Variants in MGA observed in about 807,000 individuals in gnomAD.
MGA encodes MAX dimerization protein MGA, also known as MAX gene-associated protein.
MGA carries 40 observed loss-of-function variants against 261.1 expected under a neutral mutation model. The ratio of observed to expected loss-of-function variants is 0.15; its 90% CI spans 0.12 to 0.20. The LOEUF is 0.20. Among genes scored for constraint, MGA ranks in the 10% least tolerant of loss-of-function variants. The pLI is 1.00. For missense variants in MGA, 3,397 were observed against 3,630.5 expected, an observed-to-expected ratio of 0.94 and a Z score of 1.65; for synonymous variants, 1,302 against 1,290.6, an observed-to-expected ratio of 1.01 and a Z score of -0.19.
rs368294120 is a variant in MGA, at chr15:41,698,998, A to G, written c.2092+57A>G. 147 of 1,544,562 alleles carry G rather than the reference A, an allele frequency of 9.5e-5. 1 individual carries two copies. The African/African-American group carries it at 1.8e-3, about 19-fold the overall frequency. On this transcript the variant is annotated intron_variant, in intron 4 of 23. Transcript: ENST00000219905. ...TTGTGGTTTGGGCTCCAGCAATGAA[A>G]CATGCAACATTCATTTGTCTGTAGT...
chr15:41,728,448 G>A lies in MGA; in HGVS notation c.3658-716G>A, dbSNP rs546219882. Among the ~76,000 whole-genome samples the A allele has an allele frequency of 4.4e-4, 67 of 152,276 alleles. No individual in the cohort carries two copies. The South Asian group carries it at 0.011, about 24-fold the overall frequency. The stretch of plus-strand genomic sequence containing the variant: ...AAAACTGAACTCTTAATAGTGTACT[G>A]TTGACTAGAAGCCTTACCAATAACA... On this transcript the variant is annotated intron_variant, in intron 10 of 23. Transcript: ENST00000219905.
At chr15:41,714,122 AG>A (rs1019684788) in intron 9 of MGA, among the ~76,000 whole-genome samples, 1 of 152,162 alleles carries the variant, frequency 6.6e-6, no homozygotes, top group African/African-American at 2.4e-5. Context: ...TAATTGAAAC[AG>A]GTTTCTTAGT....
intron 2 of MGA, among the ~76,000 whole-genome samples, chr15:41,685,540 A>G (rs946762181): frequency 6.6e-6 from 1 of 152,198 alleles, no homozygotes; most frequent in African/African-American, 2.4e-5. Context: ...AAGACTTGAT[A>G]TCTTGACATC....
intron 2 of MGA, among the ~76,000 whole-genome samples, chr15:41,675,527 C>T (rs1054176444): frequency 1.3e-5 from 2 of 152,064 alleles, no homozygotes; most frequent in Non-Finnish European, 2.9e-5. Context: ...GCATGCACCA[C>T]CACGCCCAGT....
In MGA at chr15:41,749,791, T is replaced by G; in HGVS notation, c.6184T>G (p.Tyr2062Asp). The G allele has an allele frequency of 6.2e-7, 1 of 1,613,940 alleles. No homozygotes were observed. The highest frequency in any genetic ancestry group is 8.5e-7 in the Non-Finnish European group (1 of 1,179,876). The change falls in exon 17 of 24, where the codon TAT (tyrosine) becomes GAT (aspartate). Residue 2062 changes from tyrosine (Y) to aspartate (D), a missense_variant. Tyr to Asp is a radical substitution (Grantham distance 160). This residue lies in a region of MGA where 1,410 missense variants were observed against 1,386.4 expected (regional missense o/e 1.02). Transcript: ENST00000219905. ...CACTGGGTCACATACAGATCAAGAT[T>G]ATAAAGATGTTAATGAAGAATATGG...
intron 3 of MGA, among the ~76,000 whole-genome samples, chr15:41,698,000 C>T (rs948919574): frequency 3.3e-5 from 5 of 151,968 alleles, no homozygotes; most frequent in African/African-American, 1.2e-4. Context: ...TCCCGAGTAG[C>T]TGGGACTACA....
At chr15:41,656,377 T>TCTCTCTCTCTCTCTCTCTCTCTCA (rs1555403733), upstream of MGA, among the ~76,000 whole-genome samples, 134 of 68,132 alleles carry the variant, frequency 2.0e-3, 3 homozygotes, top group South Asian at 5.4e-3. Context: ...TCTCTCTCTC[T>TCTCTCTCTCTCTCTCTCTCTCTCA]CACACCCAGG....
chr15:41,645,573 G>C (rs571449947), intron 1 of MGA, among the ~76,000 whole-genome samples: 3 of 152,206 alleles, frequency 2.0e-5, no homozygotes, highest in Non-Finnish European at 4.4e-5. Flanking sequence ...TACAGAGTGA[G>C]ACTCTGTCTG....
chr15:41,711,748 T>G (rs2060397311), intron 8 of MGA, among the ~76,000 whole-genome samples: 1 of 152,162 alleles, frequency 6.6e-6, no homozygotes, highest in Non-Finnish European at 1.5e-5. Context: ...CAGGCTGGAG[T>G]GCAGTGGCAG....
At chr15:41,657,595 A>G, upstream of MGA, among the ~76,000 whole-genome samples, 1 of 151,422 alleles carries the variant, frequency 6.6e-6, no homozygotes. Flanking sequence ...ACCTTAGGCA[A>G]TCTGCCTGCC....
chr15:41,661,986 C>T (rs2057435715), intron 1 of MGA, among the ~76,000 whole-genome samples: 2 of 152,066 alleles, frequency 1.3e-5, no homozygotes, highest in Admixed American at 1.3e-4. Flanking sequence ...GGTTCTTGGC[C>T]AGCTGTCCTT....
At chr15:41,710,651 C>G (rs776159055) in intron 7 of MGA, 40 bp from the exon 8 acceptor site, 1 of 1,522,228 alleles carries the variant, frequency 6.6e-7, no homozygotes, top group Non-Finnish European at 8.9e-7. Flanking sequence ...ATAAATCTGT[C>G]CTAGATTTCT....
chr15:41,713,080 A>G, intron 8 of MGA, 71 bp from the exon 9 acceptor site: 3 of 1,561,376 alleles, frequency 1.9e-6, no homozygotes, highest in Non-Finnish European at 2.6e-6. Context: ...GCAGTCCAGT[A>G]TATGACCATA....
In MGA at chr15:41,736,463, C is replaced by T. The variant is rs912036424; in HGVS notation, c.4199C>T (p.Pro1400Leu). 1.2e-6 allele frequency: 2 copies of T among 1,613,888 alleles called. No individual in the cohort carries two copies. The highest frequency in any genetic ancestry group is 2.7e-5 in the African/African-American group (2 of 74,906). ...TCTTCTCGTGTGAAAATCTCTATGC[C>T]ATCATGTCAAGACCAAGATGATATG... The change falls in exon 13 of 24, where the codon CCA becomes CTA. Residue 1400 changes from proline (P) to leucine (L), a missense_variant. Around this residue, in one of 9 missense-constraint regions of MGA, gnomAD observed 1,410 missense variants for 1,386.4 expected, o/e 1.02. Coordinates refer to ENST00000219905, the MANE Select transcript of MGA (RefSeq NM_001164273.2).
chr15:41,638,979 A>G (rs963192826), intron 1 of MGA, among the ~76,000 whole-genome samples: 1 of 151,954 alleles, frequency 6.6e-6, no homozygotes, highest in Non-Finnish European at 1.5e-5. Context: ...CCAAAGTGCT[A>G]GGATTACAGG....
intron 9 of MGA, among the ~76,000 whole-genome samples, chr15:41,715,263 C>G (rs996300980): frequency 6.6e-6 from 1 of 151,646 alleles, no homozygotes; most frequent in African/African-American, 2.4e-5. Flanking sequence ...AATTCTTCTG[C>G]CTCAGCCTCC....
At chr15:41,633,855 A>C (rs1234104062) in intron 1 of MGA, among the ~76,000 whole-genome samples, 1 of 152,184 alleles carries the variant, frequency 6.6e-6, no homozygotes, top group East Asian at 1.9e-4. Context: ...AATAAAAGCT[A>C]AAATCCTTAC....
intron 22 of MGA, among the ~76,000 whole-genome samples, chr15:41,763,311 C>T (rs1429121291): frequency 6.6e-6 from 1 of 151,052 alleles, no homozygotes; most frequent in Non-Finnish European, 1.5e-5. Context: ...CCGTGTTAGC[C>T]AGGATGGTCT....
At chr15:41,692,206 A>G (rs1044675582) in intron 2 of MGA, among the ~76,000 whole-genome samples, 1 of 152,122 alleles carries the variant, frequency 6.6e-6, no homozygotes, top group African/African-American at 2.4e-5. Flanking sequence ...CAGCTGTGTC[A>G]AGGGAGGAGT....
Sources: gnomAD v4.1 joint callset for allele counts (sites outside exome capture counted in the v4.1 genomes callset) on GRCh38, gnomAD v4.1.1 for gene constraint, gnomAD v4.1.1 regional missense constraint, MANE v1.5 for transcripts, NCBI Gene and HGNC (gene_info 2026-07-23, HGNC 2026-07-21) for gene names.